Variants in ADCY1 observed in about 807,000 individuals in gnomAD.
The protein encoded by ADCY1 is adenylate cyclase 1.
ADCY1 carries 28 observed loss-of-function variants against 105.4 expected under a neutral mutation model. The ratio of observed to expected loss-of-function variants is 0.27; its 90% CI spans 0.20 to 0.36. The LOEUF (loss-of-function observed/expected upper bound fraction) is 0.36, where lower values mean the gene tolerates loss of function less well. Among genes scored for constraint, ADCY1 ranks in the 10% least tolerant of loss-of-function variants. The probability of loss-of-function intolerance (pLI) is 1.00; values close to 1 mark genes in which losing one functional copy is unlikely to be tolerated. For missense variants in ADCY1, 977 were observed against 1,434.2 expected (o/e 0.68, Z 5.15); for synonymous variants, 655 against 623.8 (o/e 1.05, Z -0.75).
intron 1 of ADCY1, among the ~76,000 whole-genome samples, chr7:45,587,439 G>C (rs530613717): frequency 1.1e-4 from 17 of 152,314 alleles, no homozygotes; most frequent in African/African-American, 4.1e-4. Flanking sequence ...AGGCGGTGGG[G>C]TTAGAGAGAA....
At position 45,708,991 on chromosome 7, in the gene ADCY1, C is replaced by A. The variant is rs1217234201; in HGVS notation, c.2932+527C>A. Among the ~76,000 whole-genome samples, 2 of 151,864 alleles carry A rather than the reference C, an allele frequency of 1.3e-5. No individual in the cohort carries two copies. Among genetic ancestry groups the A allele is most frequent in the Admixed American group, 6.6e-5 (1 of 15,252 alleles). On this transcript the variant is annotated intron_variant, in intron 18 of 19. Coordinates refer to ENST00000297323, the MANE Select transcript of ADCY1 (RefSeq NM_021116.4). The surrounding 1 kb of genome is among the most constrained non-coding windows in gnomAD (Gnocchi z 4.7). ...TTGTTTTTTTTTTTAATCATAAATT[C>A]ACTTTTTCTTGAGATGTAGACAGTT... is the stretch of plus-strand genomic sequence containing the variant.
intron 4 of ADCY1, among the ~76,000 whole-genome samples, chr7:45,633,187 G>A (rs899847625): frequency 7.2e-5 from 11 of 152,168 alleles, no homozygotes; most frequent in African/African-American, 2.7e-4. Flanking sequence ...CAAAGTCCTG[G>A]TATTACAGGC....
Position 45,704,833 on chromosome 7 carries a change from C to T in ADCY1, c.2817+217C>T, listed in dbSNP as rs12721479. Among the ~76,000 whole-genome samples the T allele has an allele frequency of 0.15, 23,072 of 152,020 alleles. 1,880 individuals are homozygous for T. The highest frequency in any genetic ancestry group is 0.2 in the African/African-American group (8,325 of 41,452). ...AAGGCACCGGAGCTTCCTCCAGCCC[C>T]AGCCCTGCCCTGCTAGACACCTCCC... On this transcript the variant is annotated intron_variant, in intron 17 of 19. Coordinates refer to ENST00000297323, the MANE Select transcript of ADCY1 (RefSeq NM_021116.4).
chr7:45,686,440 G>A lies in ADCY1; in HGVS notation c.2328-107G>A. ...AGGTCAATCCCAGCAAGCTGTTTTT[G>A]GGTGTCACCACCTGAGGGTCACTCT... On this transcript the variant is annotated intron_variant, in intron 13 of 19. Coordinates refer to ENST00000297323, the MANE Select transcript of ADCY1 (RefSeq NM_021116.4). This position sits in a 1 kb window ranked among gnomAD's most constrained non-coding sequence, Gnocchi z 4.3. 6.7e-7 allele frequency: 1 copy of A among 1,490,506 alleles called. No homozygotes were observed. The highest frequency in any genetic ancestry group is 9.0e-7 in the Non-Finnish European group (1 of 1,114,112). The allele number at this position is 1,490,506 out of a possible 1,614,324, so 92.3% of individuals were successfully genotyped here.
intron 11 of ADCY1, among the ~76,000 whole-genome samples, chr7:45,684,088 TCACACCGCTGCAGAGCAG>T (rs1345971364): frequency 1.3e-5 from 2 of 152,238 alleles, no homozygotes; most frequent in Non-Finnish European, 2.9e-5. Context: ...TGTTTGAGCC[TCACACCGCTGCAGAGCAG>T]CGGTTCTTCT....
rs1019170416 is a variant in ADCY1 at position 45,602,004 on chromosome 7, C to G, written c.790-8375C>G. 3.3e-5 allele frequency among the ~76,000 whole-genome samples: 5 copies of G among 152,098 alleles called. 1 individual carries two copies. The highest frequency in any genetic ancestry group is 2.0e-4 in the Admixed American group (3 of 15,268). ...CCAGGGCTTCAGGAGGTGGCCTTGA[C>G]TGAACCGAATAGGGACGTACTATGG... On this transcript the variant is annotated intron_variant, in intron 2 of 19. Transcript: ENST00000297323.
At chr7:45,602,334 A>T (rs1405391521) in intron 2 of ADCY1, among the ~76,000 whole-genome samples, 1 of 152,080 alleles carries the variant, frequency 6.6e-6, no homozygotes, top group Admixed American at 6.5e-5. Flanking sequence ...TGAGAGGCAT[A>T]GGAGGTCACC....
At chr7:45,689,164 T>C (rs754491226) in intron 14 of ADCY1, among the ~76,000 whole-genome samples, 1 of 151,858 alleles carries the variant, frequency 6.6e-6, no homozygotes, top group Non-Finnish European at 1.5e-5. Context: ...CCCTCGCCCT[T>C]TGGCCTCTCC....
At chr7:45,585,693 C>T (rs1792703675) in intron 1 of ADCY1, among the ~76,000 whole-genome samples, 1 of 152,090 alleles carries the variant, frequency 6.6e-6, no homozygotes, top group Admixed American at 6.5e-5. Context: ...GGTGATCCAC[C>T]CACCTCGGCC....
intron 3 of ADCY1, among the ~76,000 whole-genome samples, chr7:45,611,077 G>GC (rs1793573411): frequency 6.6e-6 from 1 of 151,476 alleles, no homozygotes; most frequent in Non-Finnish European, 1.5e-5. Flanking sequence ...TAGTGGAGGT[G>GC]TGGGGGTGAT....
At chr7:45,704,747 T>G (rs1298524621) in intron 17 of ADCY1, 131 bp downstream of exon 17, 1 of 701,106 alleles carries the variant, frequency 1.4e-6, no homozygotes, top group Non-Finnish European at 2.4e-6. Flanking sequence ...GCAGCTTGAG[T>G]GCTGTTTTTG....
rs556086124 is a variant in ADCY1, at chr7:45,718,305, G to A, written c.*4310G>A. ...CAGAGTCTAAAGGATAACATATCAA[G>A]GCTTACCTGTGATAGGCCATTTTAA... On this transcript the variant is annotated 3_prime_UTR_variant, in exon 20 of 20. Transcript: ENST00000297323. The A allele has an allele frequency of 4.6e-5, 7 of 152,328 alleles. No individual in the cohort carries two copies. The highest frequency in any genetic ancestry group is 1.7e-4 in the African/African-American group (7 of 41,574). 9.4% of individuals were successfully genotyped at this position (152,328 alleles called of 1,614,324 possible). A position where few individuals can be genotyped will look rare whatever the true frequency, so the allele number is the denominator to read the frequency against.
chr7:45,685,933 C>G (rs773994789), intron 12 of ADCY1, 29 bp from the exon 13 acceptor site: 2 of 1,597,206 alleles, frequency 1.3e-6, no homozygotes, highest in African/African-American at 2.7e-5. Context: ...CTGCCCTTTG[C>G]TAAGCCCCTG....
chr7:45,584,462 C>T (rs1034967393), intron 1 of ADCY1, among the ~76,000 whole-genome samples: 5 of 152,236 alleles, frequency 3.3e-5, no homozygotes, highest in African/African-American at 1.2e-4. Context: ...GGCCCCTTCA[C>T]AGCAGGGCCA....
At chr7:45,639,963 A>T (rs1397015488) in intron 4 of ADCY1, among the ~76,000 whole-genome samples, 1 of 152,224 alleles carries the variant, frequency 6.6e-6, no homozygotes, top group Admixed American at 6.5e-5. Flanking sequence ...TGGGGACCCA[A>T]CACAGAGGAG....
In ADCY1 at chr7:45,609,373, G is replaced by A. The variant is rs73117904; in HGVS notation, c.790-1006G>A. The stretch of plus-strand genomic sequence containing the variant: ...GGAAGCATCTCAGTGCTGGGTGCCC[G>A]CGTGACTACTGCTAAGGCTCCTTGG... On this transcript the variant is annotated intron_variant, in intron 2 of 19. Transcript: ENST00000297323. Among the ~76,000 whole-genome samples, 806 of 152,334 alleles carry A rather than the reference G, an allele frequency of 5.3e-3. 5 individuals are homozygous for A. The highest frequency in any genetic ancestry group is 0.014 in the South Asian group (70 of 4,830).
intron 4 of ADCY1, among the ~76,000 whole-genome samples, chr7:45,632,704 C>T (rs941061935): frequency 6.6e-6 from 1 of 152,022 alleles, no homozygotes; most frequent in East Asian, 1.9e-4. Flanking sequence ...GCTGGGACGA[C>T]AGGCACATGC....
intron 14 of ADCY1, among the ~76,000 whole-genome samples, chr7:45,693,124 A>G (rs1201778044): frequency 6.6e-6 from 1 of 152,248 alleles, no homozygotes; most frequent in African/African-American, 2.4e-5. Context: ...ATCGCTGGAC[A>G]GAAAATCAGT....
intron 11 of ADCY1, 79 bp from the exon 12 acceptor site, chr7:45,684,900 A>G (rs1784635853): frequency 1.5e-6 from 2 of 1,304,584 alleles, no homozygotes; most frequent in East Asian, 2.3e-5. Flanking sequence ...TGCACATTCC[A>G]CTATAGGAAG....
Sources: gnomAD v4.1 joint callset for allele counts (sites outside exome capture counted in the v4.1 genomes callset) on GRCh38, gnomAD v4.1.1 for gene constraint, Gnocchi (gnomAD v3.1) non-coding constraint, MANE v1.5 for transcripts, NCBI Gene and HGNC (gene_info 2026-07-23, HGNC 2026-07-21) for gene names.